Variants in RANBP2 observed in about 807,000 individuals in gnomAD.
RANBP2 encodes E3 SUMO-protein ligase RanBP2.
A neutral mutation model predicts 303.6 loss-of-function variants in RANBP2; 57 were observed. That is an observed-to-expected ratio of 0.19 (90% CI 0.15 to 0.23). RANBP2 has a LOEUF of 0.23. RANBP2 is among the 10% of genes least tolerant of loss of function. The pLI is 1.00. For synonymous variants in RANBP2, 1,167 were observed against 1,301.5 expected (o/e 0.90, Z 2.23); for missense variants, 3,138 against 3,780.8 (o/e 0.83, Z 4.46).
the RANBP2 span, among the ~76,000 whole-genome samples, chr2:109,156,350 A>G: frequency 2.6e-5 from 4 of 151,980 alleles, no homozygotes; most frequent in Non-Finnish European, 5.9e-5. Context: ...TCTCTCCTAG[A>G]TGGTGATCTT....
chr2:109,724,616 T>C, the RANBP2 span, among the ~76,000 whole-genome samples: 2 of 152,112 alleles, frequency 1.3e-5, no homozygotes, highest in African/African-American at 4.8e-5. Context: ...GGGTGCGCCT[T>C]GTACCCCACC....
chr2:108,756,839 C>T (rs1391825677), intron 17 of RANBP2, among the ~76,000 whole-genome samples: 2 of 152,166 alleles, frequency 1.3e-5, no homozygotes, highest in Non-Finnish European at 1.5e-5. Context: ...ATTACAGTTA[C>T]AGCAGTGATT....
chr2:109,101,135 A>T, the RANBP2 span, among the ~76,000 whole-genome samples: 1 of 152,180 alleles, frequency 6.6e-6, no homozygotes, highest in Non-Finnish European at 1.5e-5. Flanking sequence ...GGGAGGCTGC[A>T]GGGAAGTGCA....
chr2:109,381,885 T>C, the RANBP2 span, among the ~76,000 whole-genome samples: 2 of 151,986 alleles, frequency 1.3e-5, no homozygotes, highest in African/African-American at 4.8e-5. Context: ...GGGAGCTGAG[T>C]GCATGTGCAA....
the RANBP2 span, among the ~76,000 whole-genome samples, chr2:109,053,471 G>T: frequency 6.6e-6 from 1 of 152,148 alleles, no homozygotes. Context: ...GTTCCTCCCG[G>T]GTTATAAAGG....
At chr2:109,131,823 C>T in the RANBP2 span, among the ~76,000 whole-genome samples, 1 of 152,156 alleles carries the variant, frequency 6.6e-6, no homozygotes, top group Non-Finnish European at 1.5e-5. Context: ...ATGTTCATGA[C>T]TTTTTGTGTT....
At chr2:109,387,470 C>T in the RANBP2 span, among the ~76,000 whole-genome samples, 1 of 152,172 alleles carries the variant, frequency 6.6e-6, no homozygotes, top group Admixed American at 6.5e-5. Context: ...TCTTGCTTTT[C>T]CTCAGACACT....
chr2:109,133,481 G>A, the RANBP2 span, among the ~76,000 whole-genome samples: 1 of 152,182 alleles, frequency 6.6e-6, no homozygotes, highest in Non-Finnish European at 1.5e-5. Context: ...CAGAGCTGAG[G>A]ACCTTTCTTT....
At chr2:109,024,615 A>G in the RANBP2 span, among the ~76,000 whole-genome samples, 1 of 152,146 alleles carries the variant, frequency 6.6e-6, no homozygotes, top group African/African-American at 2.4e-5. Context: ...GGCTGGAGAC[A>G]GGCATGTCCA....
chr2:109,438,831 A>G, the RANBP2 span, among the ~76,000 whole-genome samples: 1 of 152,284 alleles, frequency 6.6e-6, no homozygotes, highest in East Asian at 1.9e-4. Flanking sequence ...CTGTTTGGCC[A>G]CTGGAGCACC....
chr2:109,347,429 C>T, the RANBP2 span, among the ~76,000 whole-genome samples: 6 of 152,122 alleles, frequency 3.9e-5, no homozygotes, highest in South Asian at 1.3e-3. Flanking sequence ...TGTGGAAGGC[C>T]TCAGACAGTG....
At chr2:108,896,713 C>T in the RANBP2 span, 1 of 611,514 alleles carries the variant, frequency 1.6e-6, no homozygotes, top group Non-Finnish European at 2.9e-6. Context: ...TGAAAGTATC[C>T]CGGCTCTAGT....
the RANBP2 span, among the ~76,000 whole-genome samples, chr2:108,853,363 A>G: frequency 6.6e-6 from 1 of 152,196 alleles, no homozygotes; most frequent in Non-Finnish European, 1.5e-5. Flanking sequence ...TCATGAGCAT[A>G]GTACAATATT....
At chr2:109,689,740 T>A in the RANBP2 span, among the ~76,000 whole-genome samples, 153 of 152,146 alleles carry the variant, frequency 1.0e-3, 1 homozygote, top group Non-Finnish European at 1.4e-3. Context: ...AAAAGCATAG[T>A]CAAGCACTTA....
the RANBP2 span, among the ~76,000 whole-genome samples, chr2:109,689,109 A>C: frequency 6.6e-6 from 1 of 151,830 alleles, no homozygotes; most frequent in Non-Finnish European, 1.5e-5. Flanking sequence ...ATTTCACCAT[A>C]TTGGCCAGGC....
chr2:109,204,431 C>T, the RANBP2 span, among the ~76,000 whole-genome samples: 1 of 152,220 alleles, frequency 6.6e-6, no homozygotes, highest in Non-Finnish European at 1.5e-5. Flanking sequence ...CCTTAAAAAT[C>T]TGCTGTAGTT....
the RANBP2 span, among the ~76,000 whole-genome samples, chr2:108,813,882 G>T: frequency 6.6e-6 from 1 of 152,160 alleles, no homozygotes; most frequent in African/African-American, 2.4e-5. Flanking sequence ...ACTTGTTTGT[G>T]TAAGGCTTTT....
the RANBP2 span, among the ~76,000 whole-genome samples, chr2:109,307,684 TG>T: frequency 1.4e-5 from 2 of 147,444 alleles, no homozygotes; most frequent in Non-Finnish European, 3.0e-5. Context: ...TTTGGTTTTT[TG>T]CTCTTGCGAT....
chr2:109,471,218 A>AAG, the RANBP2 span, among the ~76,000 whole-genome samples: 1 of 151,412 alleles, frequency 6.6e-6, no homozygotes, highest in Admixed American at 6.6e-5. Context: ...AAAAAAAAAA[A>AAG]AAAAAAAAAA....
Sources: gnomAD v4.1 joint callset for allele counts (sites outside exome capture counted in the v4.1 genomes callset) on GRCh38, gnomAD v4.1.1 for gene constraint, MANE v1.5 for transcripts, NCBI Gene and HGNC (gene_info 2026-07-23, HGNC 2026-07-21) for gene names.